PEDS1: variants seen among roughly 807,000 people sequenced by gnomAD.
The protein encoded by PEDS1 is plasmanylethanolamine desaturase 1.
Under a neutral mutation model 35.2 loss-of-function variants are expected in PEDS1, and 14 were observed. The observed-to-expected ratio is 0.40, with a 90% CI of 0.26 to 0.62. The LOEUF (loss-of-function observed/expected upper bound fraction) is 0.62. Ranked by LOEUF, PEDS1 falls within the 20% of genes least tolerant of loss-of-function variation. The pLI is 0.44. For missense variants in PEDS1, 260 were observed against 367.8 expected (o/e 0.71, Z 2.40); for synonymous variants, 152 against 152.0 (o/e 1.00, Z 0.00).
intron 2 of PEDS1, among the ~76,000 whole-genome samples, chr20:50,141,749 G>A (rs2081293680): frequency 6.6e-6 from 1 of 152,204 alleles, no homozygotes; most frequent in Admixed American, 6.5e-5. Flanking sequence ...TGGGGGCAGG[G>A]GACATGCCTG....
chr20:50,144,292 A>G (rs1459990739), intron 1 of PEDS1, among the ~76,000 whole-genome samples: 2 of 152,152 alleles, frequency 1.3e-5, no homozygotes, highest in African/African-American at 4.8e-5. Context: ...TTCTTTTTTT[A>G]AAGTAGAATC....
In PEDS1 at chr20:50,129,112, G is replaced by C. The variant is rs1286691782; in HGVS notation, c.478+434C>G. ...GGTGAAATCACTTACTTTGGGACCA[G>C]TCCCTCTAAAAATAGGCAGGCCCTG... is the stretch of plus-strand genomic sequence containing the variant. On this transcript the variant is annotated intron_variant, in intron 4 of 5. Transcript: ENST00000371652. The surrounding 1 kb of genome is among the most constrained non-coding windows in gnomAD (Gnocchi z 4.2). Among the ~76,000 whole-genome samples, 1 of 152,244 alleles carries C rather than the reference G, an allele frequency of 6.6e-6. No individual in the cohort carries two copies. Among genetic ancestry groups the C allele is most frequent in the East Asian group, 1.9e-4 (1 of 5,202 alleles).
At chr20:50,134,095 G>A (rs1252155391) in intron 2 of PEDS1, among the ~76,000 whole-genome samples, 1 of 152,238 alleles carries the variant, frequency 6.6e-6, no homozygotes, top group East Asian at 1.9e-4. Flanking sequence ...AGTGTTGGGG[G>A]CCTCAGCTCT....
At chr20:50,126,452 ATG>A (rs1054777888) in intron 5 of PEDS1, among the ~76,000 whole-genome samples, 2 of 152,190 alleles carry the variant, frequency 1.3e-5, no homozygotes, top group Non-Finnish European at 2.9e-5. Flanking sequence ...ATGAAAAAGA[ATG>A]TTTTTTTGTG....
intron 1 of PEDS1, among the ~76,000 whole-genome samples, chr20:50,145,862 C>G (rs1314686589): frequency 3.3e-5 from 5 of 152,178 alleles, no homozygotes; most frequent in Admixed American, 3.3e-4. Flanking sequence ...CAGGCGCCTG[C>G]TGAAGTGATG....
At chr20:50,144,093 C>T (rs750413542) in intron 1 of PEDS1, among the ~76,000 whole-genome samples, 2 of 152,088 alleles carry the variant, frequency 1.3e-5, no homozygotes, top group East Asian at 1.9e-4. Context: ...TCACAGATGA[C>T]GTCACTGAGG....
rs2081083406 is a variant in PEDS1 at position 50,124,926 on chromosome 20, G to A, written c.*132C>T. On this transcript the variant is annotated 3_prime_UTR_variant, in exon 6 of 6. Transcript: ENST00000371652. Reference sequence around the variant, plus strand: ...TATTCTGTGTCATGAGGGGTGGGCTGGGGTACCTGGGCCCAGCCCAGGAGA... The same window carrying A: ...TATTCTGTGTCATGAGGGGTGGGCTAGGGTACCTGGGCCCAGCCCAGGAGA... 1 of 1,256,094 alleles carries A rather than the reference G, an allele frequency of 8.0e-7. No individual in the cohort carries two copies. 77.8% of individuals were successfully genotyped at this position (1,256,094 alleles called of 1,614,324 possible).
chr20:50,123,004 T>G lies in PEDS1; in HGVS notation c.*2054A>C, dbSNP rs2081064358. The G allele has an allele frequency of 6.6e-6, 1 of 152,008 alleles. No individual in the cohort carries two copies. Among genetic ancestry groups the G allele is most frequent in the Non-Finnish European group, 1.5e-5 (1 of 68,036 alleles). The allele number at this position is 152,008 out of a possible 1,614,324, so 9.4% of individuals were successfully genotyped here. A position where few individuals can be genotyped will look rare whatever the true frequency, so the allele number is the denominator to read the frequency against. On this transcript the variant is annotated 3_prime_UTR_variant, in exon 6 of 6. Coordinates refer to ENST00000371652, the MANE Select transcript of PEDS1 (RefSeq NM_199129.4). Reference sequence around the variant, plus strand: ...AGTCCCAGCCACTCATGAGGATCGTTTGTGTCCAGGAGTTCAAGGTTGCTG... The same window carrying G: ...AGTCCCAGCCACTCATGAGGATCGTGTGTGTCCAGGAGTTCAAGGTTGCTG...
chr20:50,149,451 C>T (rs566980291), intron 1 of PEDS1, among the ~76,000 whole-genome samples: 8 of 152,138 alleles, frequency 5.3e-5, no homozygotes, highest in Non-Finnish European at 7.4e-5. Flanking sequence ...GCTGGACACC[C>T]GCCTCACCCT....
intron 5 of PEDS1, among the ~76,000 whole-genome samples, chr20:50,127,340 G>GTTTTT (rs11471254): frequency 1.4e-4 from 12 of 87,196 alleles, no homozygotes; most frequent in East Asian, 3.1e-4. Flanking sequence ...GTGTTTTCTG[G>GTTTTT]TTTTTTTTTT....
At chr20:50,138,720 G>A (rs976200157) in intron 2 of PEDS1, among the ~76,000 whole-genome samples, 3 of 152,246 alleles carry the variant, frequency 2.0e-5, no homozygotes, top group Admixed American at 1.3e-4. Context: ...AATGGGGGCA[G>A]GGGTGGCAGA....
intron 1 of PEDS1, among the ~76,000 whole-genome samples, chr20:50,146,597 T>C (rs999619197): frequency 1.1e-4 from 17 of 152,094 alleles, no homozygotes; most frequent in African/African-American, 3.9e-4. Flanking sequence ...CTTCTCCAGG[T>C]CACACAACAG....
At position 50,120,447 on chromosome 20, in the gene PEDS1, T is replaced by C. The variant is rs1440954869; in HGVS notation, c.*4611A>G. 1 of 152,722 alleles carries C rather than the reference T, an allele frequency of 6.5e-6. No individual in the cohort carries two copies. Among genetic ancestry groups the C allele is most frequent in the African/African-American group, 2.4e-5 (1 of 41,272 alleles). The allele number at this position is 152,722 out of a possible 1,614,324, so 9.5% of individuals were successfully genotyped here. A position where few individuals can be genotyped will look rare whatever the true frequency, so the allele number is the denominator to read the frequency against. On this transcript the variant is annotated 3_prime_UTR_variant, in exon 6 of 6. Coordinates refer to ENST00000371652, the MANE Select transcript of PEDS1 (RefSeq NM_199129.4). ...TTCTTATTCTTTACCTATGCAAGCA[T>C]TACCTATTGCTTATATAGCAATATA... is the stretch of plus-strand genomic sequence containing the variant.
At chr20:50,139,799 G>A (rs574499750) in intron 2 of PEDS1, among the ~76,000 whole-genome samples, 1 of 151,298 alleles carries the variant, frequency 6.6e-6, no homozygotes, top group South Asian at 2.1e-4. Context: ...TCCTGTCTCA[G>A]CCTCCCCAGT....
chr20:50,142,904 G>A (rs1209482172), intron 2 of PEDS1, among the ~76,000 whole-genome samples: 1 of 152,160 alleles, frequency 6.6e-6, no homozygotes, highest in African/African-American at 2.4e-5. Context: ...TCTGAGAGCA[G>A]GTGACAGACG....
chr20:50,141,113 C>T (rs2081287698), intron 2 of PEDS1, among the ~76,000 whole-genome samples: 1 of 152,228 alleles, frequency 6.6e-6, no homozygotes, highest in African/African-American at 2.4e-5. Context: ...ATCCTTTACC[C>T]CCGTAGAGGC....
chr20:50,137,234 G>A (rs947378686), intron 2 of PEDS1, among the ~76,000 whole-genome samples: 4 of 151,992 alleles, frequency 2.6e-5, no homozygotes, highest in African/African-American at 9.7e-5. Flanking sequence ...GTCTCACCAT[G>A]TTGTCCAGGC....
chr20:50,124,108 C>T lies in PEDS1; in HGVS notation c.*950G>A. Reference sequence around the variant, plus strand: ...ATGGGGCGAGAGTGGGGCCTCACGTCCCAGGCTCCTTGATACCCCCCACCC... The same window carrying T: ...ATGGGGCGAGAGTGGGGCCTCACGTTCCAGGCTCCTTGATACCCCCCACCC... On this transcript the variant is annotated 3_prime_UTR_variant, in exon 6 of 6. Transcript: ENST00000371652. 1 of 152,612 alleles carries T rather than the reference C, an allele frequency of 6.6e-6. No individual in the cohort carries two copies. The highest frequency in any genetic ancestry group is 1.9e-4 in the East Asian group (1 of 5,196). The allele number at this position is 152,612 out of a possible 1,614,324, so 9.5% of individuals were successfully genotyped here.
intron 2 of PEDS1, 76 bp downstream of exon 2, chr20:50,143,400 GCACACACATCCATGCATGTGGACACA>G (rs2081314532): frequency 1.3e-6 from 2 of 1,512,546 alleles, no homozygotes; most frequent in Non-Finnish European, 1.8e-6. Context: ...CTGGACTCAA[GCACACACATCCATGCATGTGGACACA>G]CACACGCGCC....
Sources: allele counts gnomAD v4.1 joint callset (sites outside exome capture counted in the v4.1 genomes callset), GRCh38; gene constraint gnomAD v4.1.1; non-coding constraint Gnocchi (gnomAD v3.1); transcripts MANE v1.5; gene names NCBI Gene and HGNC (gene_info 2026-07-23, HGNC 2026-07-21).